The following GABPB1 variants were observed in gnomAD, a reference collection of about 807,000 sequenced individuals.
GABPB1 encodes the protein GA-binding protein subunit beta-1.
Under a neutral mutation model 45.9 loss-of-function variants are expected in GABPB1, and 15 were observed. That is an observed-to-expected ratio of 0.33 (90% CI 0.22 to 0.50). The LOEUF (loss-of-function observed/expected upper bound fraction) is 0.50, where lower values mean the gene tolerates loss of function less well. GABPB1 is among the 20% of genes least tolerant of loss of function. GABPB1 has a pLI of 0.98. For missense variants in GABPB1, 252 were observed against 457.5 expected, an observed-to-expected ratio of 0.55 and a Z score of 4.10; for synonymous variants, 143 against 154.4, an observed-to-expected ratio of 0.93 and a Z score of 0.55.
chr15:50,302,738 C>T (rs551019948), intron 4 of GABPB1, among the ~76,000 whole-genome samples, 191 bp downstream of exon 4: 1 of 146,616 alleles, frequency 6.8e-6, no homozygotes, highest in South Asian at 2.2e-4. Flanking sequence ...AATGAAGAGA[C>T]TGGCCTTATA....
Position 50,276,723 on chromosome 15 carries a change from T to C in GABPB1, c.*1909A>G, listed in dbSNP as rs2140953197. The C allele has an allele frequency of 6.6e-6, 1 of 150,946 alleles. No homozygotes were observed. The highest frequency in any genetic ancestry group is 6.7e-5 in the Admixed American group (1 of 14,922). 9.4% of individuals were successfully genotyped at this position (150,946 alleles called of 1,614,324 possible). A position where few individuals can be genotyped will look rare whatever the true frequency, so the allele number is the denominator to read the frequency against. ...AAGCAAAACTCTACAGTGATTGCCCTCTGGGGTGAAGACACTGGCCCTTCT... is the reference window on the plus strand; with the variant it reads ...AAGCAAAACTCTACAGTGATTGCCCCCTGGGGTGAAGACACTGGCCCTTCT... On this transcript the variant is annotated 3_prime_UTR_variant, in exon 9 of 9. Transcript: ENST00000380877.
intron 3 of GABPB1, 63 bp from the exon 4 acceptor site, chr15:50,303,186 G>A: frequency 8.1e-7 from 1 of 1,241,176 alleles, no homozygotes; most frequent in East Asian, 2.4e-5. Context: ...TTCCTGATAT[G>A]AAATTATTAG....
At chr15:50,336,843 T>C (rs1262175388) in intron 1 of GABPB1, among the ~76,000 whole-genome samples, 1 of 151,008 alleles carries the variant, frequency 6.6e-6, no homozygotes, top group Admixed American at 6.6e-5. Flanking sequence ...GGCATGGTGG[T>C]ACATGACTGA....
chr15:50,294,596 T>A (rs1024249971), intron 6 of GABPB1, among the ~76,000 whole-genome samples: 1 of 152,036 alleles, frequency 6.6e-6, no homozygotes, highest in African/African-American at 2.4e-5. Flanking sequence ...ATGGTGGCAG[T>A]TTAACCTGAA....
At chr15:50,293,990 T>C (rs974101809) in intron 6 of GABPB1, among the ~76,000 whole-genome samples, 4 of 152,052 alleles carry the variant, frequency 2.6e-5, no homozygotes, top group African/African-American at 4.8e-5. Context: ...AACATAAAGC[T>C]CCCTGGATAA....
intron 1 of GABPB1, among the ~76,000 whole-genome samples, chr15:50,344,041 G>A (rs537590880): frequency 1.2e-3 from 179 of 152,278 alleles, no homozygotes; most frequent in African/African-American, 4.2e-3. Flanking sequence ...ACGGGACTTT[G>A]TCTTCTCTTT....
intron 6 of GABPB1, among the ~76,000 whole-genome samples, chr15:50,299,557 G>T (rs1282818041): frequency 6.6e-6 from 1 of 151,786 alleles, no homozygotes; most frequent in African/African-American, 2.4e-5. Context: ...GGGCCACTAC[G>T]CCTGGCTAAT....
At chr15:50,291,684 C>T (rs896305731) in intron 6 of GABPB1, among the ~76,000 whole-genome samples, 3 of 151,738 alleles carry the variant, frequency 2.0e-5, no homozygotes, top group Non-Finnish European at 4.4e-5. Context: ...CTCCAGGAGG[C>T]CGAGGCAGGA....
intron 1 of GABPB1, among the ~76,000 whole-genome samples, chr15:50,345,286 C>T (rs1469216048): frequency 6.6e-6 from 1 of 152,174 alleles, no homozygotes; most frequent in Non-Finnish European, 1.5e-5. Context: ...AAAAAGATGT[C>T]CTCTGAAGCG....
At chr15:50,313,883 T>G (rs1013956526) in intron 1 of GABPB1, among the ~76,000 whole-genome samples, 1 of 152,158 alleles carries the variant, frequency 6.6e-6, no homozygotes, top group Non-Finnish European at 1.5e-5. Context: ...TTACATTGTA[T>G]GACTGTCAAC....
rs1285570529 is a variant in GABPB1 at position 50,337,130 on chromosome 15, A to ATATATAT, written c.-1+17854_-1+17855insATATATA. Reference sequence around the variant, plus strand: ...ATATATATATATATATATATATATAATATGAAGAGGTCAGAGCCCATCCAA... The same window carrying ATATATAT: ...ATATATATATATATATATATATATAATATATATTATGAAGAGGTCAGAGCCCATCCAA... On this transcript the variant is annotated intron_variant, in intron 1 of 8. Coordinates refer to ENST00000380877, the MANE Select transcript of GABPB1 (RefSeq NM_016654.5). Among the ~76,000 whole-genome samples, 19 of 3,862 alleles carry ATATATAT rather than the reference A, an allele frequency of 4.9e-3. 1 individual carries two copies. The highest frequency in any genetic ancestry group is 6.6e-3 in the Non-Finnish European group (16 of 2,430). The allele number at this position is 3,862 out of a possible 152,430, so 2.5% of individuals were successfully genotyped here.
chr15:50,353,000 G>T (rs1368592753), intron 1 of GABPB1: 1 of 152,144 alleles, frequency 6.6e-6, no homozygotes, highest in East Asian at 1.9e-4. Context: ...AGGATTCACT[G>T]CAGAATTAAT....
At chr15:50,332,519 T>C (rs1427510916) in intron 1 of GABPB1, among the ~76,000 whole-genome samples, 1 of 152,120 alleles carries the variant, frequency 6.6e-6, no homozygotes, top group Non-Finnish European at 1.5e-5. Flanking sequence ...TGCTAAGAAA[T>C]TATTGATTTT....
At chr15:50,313,840 C>G (rs571315436) in intron 1 of GABPB1, among the ~76,000 whole-genome samples, 2 of 151,866 alleles carry the variant, frequency 1.3e-5, no homozygotes, top group African/African-American at 4.8e-5. Flanking sequence ...ACTATATTAC[C>G]TAATTTAAAA....
chr15:50,340,547 CAAAAAAAA>C (rs397853899), intron 1 of GABPB1, among the ~76,000 whole-genome samples: 9,259 of 111,010 alleles, frequency 0.083, 427 homozygotes, highest in Middle Eastern at 0.12. Context: ...CTATAATCAC[CAAAAAAAA>C]AAAAAAAAAA....
intron 1 of GABPB1, among the ~76,000 whole-genome samples, chr15:50,346,880 C>CT (rs1439021759): frequency 1.3e-5 from 2 of 151,774 alleles, no homozygotes; most frequent in South Asian, 4.2e-4. Flanking sequence ...CTCCGCCCCC[C>CT]CCAGGTTCAA....
chr15:50,349,279 T>C (rs933845945), intron 1 of GABPB1: 5 of 151,788 alleles, frequency 3.3e-5, no homozygotes, highest in African/African-American at 1.2e-4. Flanking sequence ...AAAAAAAAAA[T>C]TCCTAATTCC....
intron 8 of GABPB1, among the ~76,000 whole-genome samples, chr15:50,281,775 A>T (rs2045986265): frequency 1.3e-5 from 2 of 152,174 alleles, no homozygotes; most frequent in African/African-American, 4.8e-5. Flanking sequence ...ATGAAAAAAA[A>T]CTTTGCCTTC....
chr15:50,354,546 G>A (rs1290795695), intron 1 of GABPB1: 2 of 448,220 alleles, frequency 4.5e-6, no homozygotes, highest in African/African-American at 4.2e-5. Context: ...CAGAGGCCGA[G>A]GCCCAGCCGC....
Sources: gnomAD v4.1 joint callset for allele counts (sites outside exome capture counted in the v4.1 genomes callset) on GRCh38, gnomAD v4.1.1 for gene constraint, MANE v1.5 for transcripts, NCBI Gene and HGNC (gene_info 2026-07-23, HGNC 2026-07-21) for gene names.